AK5: variants seen among roughly 807,000 people sequenced by gnomAD.
The protein encoded by AK5 is adenylate kinase 5.
In AK5, 27 loss-of-function variants were observed where a neutral mutation model predicts 69.5. The observed-to-expected ratio is 0.39, with a 90% CI of 0.29 to 0.54. The LOEUF (loss-of-function observed/expected upper bound fraction) is 0.54. Among genes scored for constraint, AK5 ranks in the 20% least tolerant of loss-of-function variants. The pLI is 0.71. For synonymous variants in AK5, 260 were observed against 244.4 expected (o/e 1.06, Z -0.60); for missense variants, 531 against 700.4 (o/e 0.76, Z 2.73).
intron 7 of AK5, among the ~76,000 whole-genome samples, chr1:77,412,088 C>T (rs1239233594): frequency 6.6e-6 from 1 of 152,150 alleles, no homozygotes; most frequent in Non-Finnish European, 1.5e-5. Flanking sequence ...GAAGTGACTA[C>T]CTCTAACGAC....
chr1:77,400,986 C>G (rs972109551), intron 6 of AK5, among the ~76,000 whole-genome samples: 8 of 148,062 alleles, frequency 5.4e-5, no homozygotes, highest in African/African-American at 2.0e-4. Context: ...TTCAGCAGGG[C>G]TGTACCACAG....
chr1:77,515,621 G>A (rs1426399576), intron 10 of AK5, among the ~76,000 whole-genome samples: 1 of 152,220 alleles, frequency 6.6e-6, no homozygotes, highest in African/African-American at 2.4e-5. Flanking sequence ...CCAAGAGTAA[G>A]ACAGGCAGGG....
chr1:77,518,740 G>A lies in AK5; in HGVS notation c.1311+13G>A. The A allele has an allele frequency of 6.2e-7, 1 of 1,612,952 alleles. No individual in the cohort carries two copies. The highest frequency in any genetic ancestry group is 1.1e-5 in the South Asian group (1 of 90,962). ...CCTGGTGCCCTCAGTAAGCAACATG[G>A]CCTGACCCACATTACTGCCTTTCCT... On this transcript the variant is annotated intron_variant, in intron 11 of 13. Transcript: ENST00000354567.
At chr1:77,422,473 T>C (rs1650879381) in intron 8 of AK5, among the ~76,000 whole-genome samples, 1 of 152,182 alleles carries the variant, frequency 6.6e-6, no homozygotes. Context: ...TTGCCACTTA[T>C]CAAAACACAC....
intron 11 of AK5, among the ~76,000 whole-genome samples, chr1:77,519,238 A>G (rs3767036): frequency 0.027 from 4,081 of 152,246 alleles, 187 homozygotes; most frequent in East Asian, 0.22. Context: ...AGAAATATTC[A>G]TCCCTGCCAC....
At chr1:77,546,742 C>T (rs114898412) in intron 13 of AK5, among the ~76,000 whole-genome samples, 10,215 of 152,244 alleles carry the variant, frequency 0.067, 463 homozygotes, top group Middle Eastern at 0.12. Flanking sequence ...ACTTGTGAAA[C>T]TCTGTGACAC....
chr1:77,499,730 G>A (rs1286804010), intron 10 of AK5, among the ~76,000 whole-genome samples: 1 of 152,062 alleles, frequency 6.6e-6, no homozygotes, highest in South Asian at 2.1e-4. Context: ...AAACCTGGCC[G>A]AGGCCAGCCA....
At chr1:77,367,754 G>A (rs112869441) in intron 6 of AK5, among the ~76,000 whole-genome samples, 9 of 2,938 alleles carry the variant, frequency 3.1e-3, no homozygotes, top group South Asian at 0.013. Flanking sequence ...TGTTATATAT[G>A]TTATATATAA....
At chr1:77,536,091 T>A in intron 13 of AK5, 53 bp downstream of exon 13, 2 of 1,524,770 alleles carry the variant, frequency 1.3e-6, no homozygotes, top group East Asian at 4.6e-5. Context: ...TTTTTTTTTT[T>A]TTCCAAGAAA....
At chr1:77,334,230 G>T (rs1025702869) in intron 5 of AK5, among the ~76,000 whole-genome samples, 1 of 152,058 alleles carries the variant, frequency 6.6e-6, no homozygotes, top group African/African-American at 2.4e-5. Flanking sequence ...TAAAAATGTA[G>T]GTTGGCAGTT....
chr1:77,306,484 G>GGTTTT (rs35597576), intron 5 of AK5, among the ~76,000 whole-genome samples: 1 of 134,536 alleles, frequency 7.4e-6, no homozygotes, highest in African/African-American at 2.8e-5. Flanking sequence ...AATTTGCTAG[G>GGTTTT]TTTTTTTTTG....
chr1:77,451,492 GCTGCCCTGGCACATCATGGCACATAAA>G (rs1653151601), intron 8 of AK5, among the ~76,000 whole-genome samples: 1 of 151,976 alleles, frequency 6.6e-6, no homozygotes, highest in Non-Finnish European at 1.5e-5. Context: ...TATAAATAAT[GCTGCCCTGGCACATCATGGCACATAAA>G]CTTTTCCTAA....
chr1:77,318,869 A>G (rs1391192093), intron 5 of AK5, among the ~76,000 whole-genome samples: 1 of 152,106 alleles, frequency 6.6e-6, no homozygotes, highest in Non-Finnish European at 1.5e-5. Context: ...AATGCTTTAT[A>G]TTGCTAATTA....
At chr1:77,530,634 G>C (rs952143608) in intron 12 of AK5, among the ~76,000 whole-genome samples, 32 of 152,320 alleles carry the variant, frequency 2.1e-4, no homozygotes, top group African/African-American at 7.5e-4. Context: ...TGTAGTGTTT[G>C]AAGTGAGTCA....
At chr1:77,444,292 ATATATATAG>A (rs1652554754) in intron 8 of AK5, among the ~76,000 whole-genome samples, 1 of 65,692 alleles carries the variant, frequency 1.5e-5, no homozygotes, top group Non-Finnish European at 2.7e-5. Flanking sequence ...ACATATGTGT[ATATATATAG>A]TATATATACA....
intron 5 of AK5, chr1:77,314,468 A>T (rs899240587): frequency 1.3e-5 from 2 of 152,834 alleles, no homozygotes; most frequent in African/African-American, 4.8e-5. Flanking sequence ...TAAACACAAT[A>T]CATTTAAAGA....
intron 6 of AK5, chr1:77,346,088 A>G (rs1242151231): frequency 6.6e-6 from 1 of 152,212 alleles, no homozygotes; most frequent in Non-Finnish European, 1.5e-5. Context: ...TTAAGTGGAA[A>G]TGCATCATCA....
chr1:77,444,416 G>GTA (rs1404205198), intron 8 of AK5, among the ~76,000 whole-genome samples: 39 of 54,344 alleles, frequency 7.2e-4, no homozygotes, highest in African/African-American at 3.1e-3. Flanking sequence ...ACTATATATA[G>GTA]TATATACATA....
At chr1:77,325,293 A>C (rs1660747314) in intron 5 of AK5, among the ~76,000 whole-genome samples, 1 of 151,882 alleles carries the variant, frequency 6.6e-6, no homozygotes, top group South Asian at 2.1e-4. Flanking sequence ...GCATAAGCCA[A>C]TGCACCTGAC....
Sources: gnomAD v4.1 joint callset for allele counts (sites outside exome capture counted in the v4.1 genomes callset) on GRCh38, gnomAD v4.1.1 for gene constraint, MANE v1.5 for transcripts, NCBI Gene and HGNC (gene_info 2026-07-23, HGNC 2026-07-21) for gene names.